DOCK4: variants seen among roughly 807,000 people sequenced by gnomAD.
DOCK4 encodes the protein dedicator of cytokinesis protein 4.
Under a neutral mutation model 268.1 loss-of-function variants are expected in DOCK4, and 97 were observed. The observed-to-expected ratio is 0.36, with a 90% CI of 0.31 to 0.43. The LOEUF is 0.43. Ranked by LOEUF, DOCK4 falls within the 20% of genes least tolerant of loss-of-function variation. The probability of loss-of-function intolerance (pLI) is 1.00; values close to 1 mark genes in which losing one functional copy is unlikely to be tolerated. For synonymous variants in DOCK4, 954 were observed against 887.2 expected, an observed-to-expected ratio of 1.08 and a Z score of -1.34; for missense variants, 2,145 against 2,455.7, an observed-to-expected ratio of 0.87 and a Z score of 2.67.
chr7:111,767,485 A>G (rs910847960), intron 37 of DOCK4, among the ~76,000 whole-genome samples: 4 of 152,010 alleles, frequency 2.6e-5, no homozygotes, highest in Admixed American at 2.6e-4. Flanking sequence ...TCGGCCTCCC[A>G]AAGTGCTGGG....
chr7:112,007,220 C>A (rs758908910), intron 1 of DOCK4, among the ~76,000 whole-genome samples: 1 of 152,074 alleles, frequency 6.6e-6, no homozygotes, highest in Non-Finnish European at 1.5e-5. Flanking sequence ...AGCACTTCGT[C>A]TATCTGTGTC....
chr7:112,186,833 A>C (rs555326535), intron 1 of DOCK4, among the ~76,000 whole-genome samples: 11 of 152,128 alleles, frequency 7.2e-5, no homozygotes, highest in Non-Finnish European at 1.6e-4. Context: ...TACTATAAGA[A>C]CTCTATTTGG....
intron 49 of DOCK4, among the ~76,000 whole-genome samples, 182 bp from the exon 50 acceptor site, chr7:111,737,171 G>C (rs1297154668): frequency 6.6e-6 from 1 of 152,128 alleles, no homozygotes; most frequent in African/African-American, 2.4e-5. Context: ...AAGAGCCTTA[G>C]GTTTTGAGAA....
intron 1 of DOCK4, among the ~76,000 whole-genome samples, chr7:112,047,890 T>A (rs1415105657): frequency 6.6e-6 from 1 of 152,072 alleles, no homozygotes; most frequent in East Asian, 1.9e-4. Flanking sequence ...GGGGTCTCGC[T>A]ATGTTTCAGA....
At chr7:111,904,784 G>T (rs757046889) in intron 13 of DOCK4, among the ~76,000 whole-genome samples, 18 of 152,122 alleles carry the variant, frequency 1.2e-4, no homozygotes, top group Non-Finnish European at 2.6e-4. Flanking sequence ...ATTAACATGA[G>T]AATAGGGTAA....
intron 16 of DOCK4, 60 bp from the exon 17 acceptor site, chr7:111,877,246 A>C: frequency 8.1e-7 from 1 of 1,234,022 alleles, no homozygotes; most frequent in South Asian, 2.9e-5. Flanking sequence ...AGAATTATTA[A>C]GCATAATTTA....
intron 1 of DOCK4, among the ~76,000 whole-genome samples, chr7:112,186,460 A>T (rs1819502009): frequency 6.6e-6 from 1 of 152,226 alleles, no homozygotes; most frequent in African/African-American, 2.4e-5. Flanking sequence ...TCACTAGTAA[A>T]AAGGTGGATA....
chr7:111,847,870 G>C (rs1586162554), intron 23 of DOCK4, among the ~76,000 whole-genome samples: 1 of 152,066 alleles, frequency 6.6e-6, no homozygotes, highest in East Asian at 1.9e-4. Context: ...TTCTCCCCAA[G>C]CCTCTCAAAA....
intron 8 of DOCK4, among the ~76,000 whole-genome samples, chr7:111,969,664 C>A (rs1797542392): frequency 1.6e-5 from 2 of 122,752 alleles, no homozygotes; most frequent in African/African-American, 3.1e-5. Context: ...AAATAAAAAC[C>A]ATTAGTTGAA....
intron 1 of DOCK4, among the ~76,000 whole-genome samples, chr7:112,125,568 G>C (rs1415618606): frequency 6.6e-6 from 1 of 152,174 alleles, no homozygotes; most frequent in African/African-American, 2.4e-5. Flanking sequence ...ACAGGTACAT[G>C]ATTAAAACTA....
At chr7:112,193,804 GT>G (rs1820182309) in intron 1 of DOCK4, among the ~76,000 whole-genome samples, 1 of 151,722 alleles carries the variant, frequency 6.6e-6, no homozygotes, top group South Asian at 2.1e-4. Flanking sequence ...GCCATATAAA[GT>G]ACCACAGGCT....
chr7:112,126,214 T>C (rs116540255), intron 1 of DOCK4, among the ~76,000 whole-genome samples: 181 of 152,324 alleles, frequency 1.2e-3, no homozygotes, highest in African/African-American at 4.3e-3. Flanking sequence ...TGGCATAACA[T>C]TGAAATCTTC....
intron 8 of DOCK4, among the ~76,000 whole-genome samples, chr7:111,947,470 AT>A (rs1002780104): frequency 1.1e-4 from 16 of 151,260 alleles, no homozygotes; most frequent in African/African-American, 3.7e-4. Flanking sequence ...TATTACCTAT[AT>A]TTTTTCCCAG....
At chr7:111,820,909 C>T (rs570636718) in intron 27 of DOCK4, 3 of 152,186 alleles carry the variant, frequency 2.0e-5, no homozygotes, top group South Asian at 2.1e-4. Flanking sequence ...GGTTATAAGG[C>T]CAGATGAATG....
intron 8 of DOCK4, among the ~76,000 whole-genome samples, chr7:111,973,640 A>G (rs982148882): frequency 3.2e-4 from 48 of 151,956 alleles, no homozygotes; most frequent in Admixed American, 2.8e-3. Context: ...TGTTAAAGGA[A>G]TATTAATTTT....
chr7:111,892,012 A>G (rs1216446127), intron 16 of DOCK4, among the ~76,000 whole-genome samples: 1 of 152,158 alleles, frequency 6.6e-6, no homozygotes, highest in Non-Finnish European at 1.5e-5. Context: ...ACTATATTTC[A>G]GTTTGAAATG....
At chr7:111,977,336 C>A (rs1798285862) in intron 7 of DOCK4, 53 bp from the exon 8 acceptor site, 1 of 1,546,804 alleles carries the variant, frequency 6.5e-7, no homozygotes. Context: ...AAGGAAATAA[C>A]AGGACCCAAC....
chr7:111,959,365 T>C (rs1471940427), intron 8 of DOCK4, among the ~76,000 whole-genome samples: 1 of 152,220 alleles, frequency 6.6e-6, no homozygotes, highest in Non-Finnish European at 1.5e-5. Context: ...GTCACATTTT[T>C]GAGCTGATTT....
chr7:111,819,422 G>T (rs1801811530), intron 27 of DOCK4: 1 of 152,158 alleles, frequency 6.6e-6, no homozygotes, highest in Non-Finnish European at 1.5e-5. Context: ...GGAACTTACA[G>T]GGGGTCATGA....
Sources: gnomAD v4.1 joint callset for allele counts (sites outside exome capture counted in the v4.1 genomes callset) on GRCh38, gnomAD v4.1.1 for gene constraint, MANE v1.5 for transcripts, NCBI Gene and HGNC (gene_info 2026-07-23, HGNC 2026-07-21) for gene names.